Variants in PCCA observed in about 807,000 individuals in gnomAD.
PCCA encodes propionyl-CoA carboxylase alpha chain, mitochondrial.
Under a neutral mutation model 101.3 loss-of-function variants are expected in PCCA, and 74 were observed. That is an observed-to-expected ratio of 0.73 (90% CI 0.61 to 0.89). The LOEUF (loss-of-function observed/expected upper bound fraction) is 0.89. PCCA is among the 40% of genes least tolerant of loss of function. PCCA has a pLI of 0.00. For missense variants in PCCA, 891 were observed against 907.0 expected, an observed-to-expected ratio of 0.98 and a Z score of 0.23; for synonymous variants, 294 against 313.6, an observed-to-expected ratio of 0.94 and a Z score of 0.66.
At chr13:100,159,824 C>T (rs1420177427) in intron 6 of PCCA, among the ~76,000 whole-genome samples, 2 of 152,162 alleles carry the variant, frequency 1.3e-5, no homozygotes, top group Non-Finnish European at 2.9e-5. Flanking sequence ...GTGTGCCTGG[C>T]CTCCCACCCA....
At chr13:100,513,794 T>G (rs2086643270) in intron 21 of PCCA, among the ~76,000 whole-genome samples, 1 of 152,228 alleles carries the variant, frequency 6.6e-6, no homozygotes, top group East Asian at 1.9e-4. Context: ...ACGTCGTAAG[T>G]CAGTCACACA....
chr13:100,146,006 G>A (rs954166694), intron 4 of PCCA, among the ~76,000 whole-genome samples: 31 of 147,480 alleles, frequency 2.1e-4, no homozygotes, highest in African/African-American at 7.3e-4. Flanking sequence ...GTGCAATCTC[G>A]GCAGCTCGCT....
chr13:100,289,590 T>C (rs1043753256), intron 12 of PCCA, among the ~76,000 whole-genome samples: 5 of 152,044 alleles, frequency 3.3e-5, no homozygotes, highest in African/African-American at 1.2e-4. Flanking sequence ...GTTTTTCCTT[T>C]TCTGTTTGTT....
intron 20 of PCCA, among the ~76,000 whole-genome samples, chr13:100,448,576 T>C (rs538804314): frequency 6.6e-6 from 1 of 152,318 alleles, no homozygotes; most frequent in African/African-American, 2.4e-5. Flanking sequence ...TTAGTAGCAG[T>C]AGTAGTTACT....
intron 1 of PCCA, among the ~76,000 whole-genome samples, chr13:100,095,719 G>A (rs1385054999): frequency 6.6e-6 from 1 of 152,202 alleles, no homozygotes; most frequent in Admixed American, 6.5e-5. Flanking sequence ...GGCTGCTGTG[G>A]TTGGAGTGAA....
chr13:100,503,921 A>C (rs1003186430), intron 21 of PCCA, among the ~76,000 whole-genome samples: 11 of 152,302 alleles, frequency 7.2e-5, no homozygotes, highest in African/African-American at 2.6e-4. Context: ...AGCAGTCTTC[A>C]GTGTTTCATT....
At chr13:100,468,116 T>C (rs191208850) in intron 21 of PCCA, among the ~76,000 whole-genome samples, 4 of 152,336 alleles carry the variant, frequency 2.6e-5, no homozygotes, top group Admixed American at 2.0e-4. Context: ...TGAGTAGTAA[T>C]ATTTTTAAGG....
intron 19 of PCCA, among the ~76,000 whole-genome samples, chr13:100,370,789 A>G (rs1350122750): frequency 6.6e-5 from 10 of 152,088 alleles, no homozygotes; most frequent in African/African-American, 2.4e-4. Flanking sequence ...GTATGGCACT[A>G]TTGTCTGCTT....
chr13:100,268,849 T>G, intron 11 of PCCA, 66 bp downstream of exon 11: 1 of 1,092,414 alleles, frequency 9.2e-7, no homozygotes, highest in Non-Finnish European at 1.4e-6. Flanking sequence ...CATTCATTCA[T>G]TCATCATTCA....
intron 6 of PCCA, among the ~76,000 whole-genome samples, chr13:100,177,395 G>A (rs992632707): frequency 6.6e-6 from 1 of 152,034 alleles, no homozygotes; most frequent in Non-Finnish European, 1.5e-5. Context: ...ATTGTGTCTT[G>A]CATAATGAAA....
intron 6 of PCCA, among the ~76,000 whole-genome samples, chr13:100,165,646 A>G (rs2054953613): frequency 6.6e-6 from 1 of 151,982 alleles, no homozygotes; most frequent in Non-Finnish European, 1.5e-5. Flanking sequence ...TCCTCTACTC[A>G]TCTATCAATC....
In PCCA at chr13:100,496,258, A is replaced by G. The variant is rs1390544626; in HGVS notation, c.1900-19169A>G. 3.9e-5 allele frequency among the ~76,000 whole-genome samples: 6 copies of G among 152,210 alleles called. No homozygotes were observed. In the East Asian group the frequency reaches 1.2e-3, roughly 29 times the overall value. On this transcript the variant is annotated intron_variant, in intron 21 of 23. Transcript: ENST00000376285. ...CTCACTACAAAAAATACTGTCTTTA[A>G]AGCAAAAGAAAAAGAAGTGTTATTT...
intron 10 of PCCA, among the ~76,000 whole-genome samples, chr13:100,265,049 T>G (rs1424528793): frequency 1.3e-5 from 2 of 152,306 alleles, no homozygotes; most frequent in Non-Finnish European, 2.9e-5. Context: ...TTTTAAAAAT[T>G]ACTGGAGTGT....
chr13:100,360,406 A>T (rs1384311926), intron 18 of PCCA, among the ~76,000 whole-genome samples: 1 of 152,122 alleles, frequency 6.6e-6, no homozygotes, highest in East Asian at 1.9e-4. Context: ...AAATGGGCTC[A>T]CCCCTGTCTC....
At position 100,181,083 on chromosome 13, in the gene PCCA, G is replaced by A. The variant is rs568550763; in HGVS notation, c.468+23743G>A. Among the ~76,000 whole-genome samples, 3 of 152,288 alleles carry A rather than the reference G, an allele frequency of 2.0e-5. No homozygotes were observed. In the East Asian group the frequency reaches 5.8e-4, roughly 29 times the overall value. ...GAATGAGAGAGCTTAGTTGCTGCTG[G>A]CAGCCATATTGTGACCATGAGGGTA... On this transcript the variant is annotated intron_variant, in intron 6 of 23. Coordinates refer to ENST00000376285, the MANE Select transcript of PCCA (RefSeq NM_000282.4).
At chr13:100,242,660 A>T (rs1357729504) in intron 8 of PCCA, among the ~76,000 whole-genome samples, 1 of 152,222 alleles carries the variant, frequency 6.6e-6, no homozygotes, top group Non-Finnish European at 1.5e-5. Context: ...TTAAAGAAAA[A>T]GAAAATATAA....
intron 19 of PCCA, among the ~76,000 whole-genome samples, chr13:100,416,301 C>T (rs530468800): frequency 6.6e-6 from 1 of 151,720 alleles, no homozygotes; most frequent in African/African-American, 2.4e-5. Flanking sequence ...CAGTTCTCAG[C>T]CTCTTGAGTA....
intron 22 of PCCA, among the ~76,000 whole-genome samples, chr13:100,520,559 C>T (rs1022619836): frequency 6.9e-4 from 95 of 138,630 alleles, no homozygotes; most frequent in Admixed American, 1.7e-3. Context: ...GGCGTGAACC[C>T]GGAAGGCGGA....
intron 21 of PCCA, among the ~76,000 whole-genome samples, chr13:100,502,238 A>G (rs1218532773): frequency 6.6e-6 from 1 of 152,192 alleles, no homozygotes; most frequent in African/African-American, 2.4e-5. Flanking sequence ...TTATGAGTGT[A>G]TAGTGGAAGT....
Sources: gnomAD v4.1 joint callset for allele counts (sites outside exome capture counted in the v4.1 genomes callset) on GRCh38, gnomAD v4.1.1 for gene constraint, MANE v1.5 for transcripts, NCBI Gene and HGNC (gene_info 2026-07-23, HGNC 2026-07-21) for gene names.